The following MYO3A variants were observed in gnomAD, a reference collection of about 807,000 sequenced individuals.
MYO3A encodes the protein myosin IIIA, also known as myosin-IIIa.
In MYO3A, 180 loss-of-function variants were observed where a neutral mutation model predicts 192.7. The ratio of observed to expected loss-of-function variants is 0.93; its 90% confidence interval spans 0.83 to 1.06. MYO3A has a LOEUF of 1.06. MYO3A is among the 50% of genes least tolerant of loss of function. MYO3A has a pLI of 0.00. For missense variants in MYO3A, 1,896 were observed against 1,905.0 expected (o/e 1.00, Z 0.09); for synonymous variants, 628 against 645.3 (o/e 0.97, Z 0.41).
chr10:25,936,515 G>A (rs915685363), intron 2 of MYO3A, among the ~76,000 whole-genome samples: 12 of 151,996 alleles, frequency 7.9e-5, no homozygotes, highest in African/African-American at 2.9e-4. Flanking sequence ...TTGAATGATT[G>A]TACCTAACAA....
intron 32 of MYO3A, among the ~76,000 whole-genome samples, chr10:26,193,637 G>T (rs1843260379): frequency 1.3e-5 from 2 of 152,214 alleles, no homozygotes; most frequent in African/African-American, 4.8e-5. Flanking sequence ...CCAGAGAGGG[G>T]CCCTGGTGTA....
intron 34 of MYO3A, among the ~76,000 whole-genome samples, chr10:26,209,261 G>A (rs1844113151): frequency 1.3e-5 from 2 of 152,130 alleles, no homozygotes; most frequent in African/African-American, 4.8e-5. Flanking sequence ...ATTGACTCAA[G>A]GACATTGTCC....
At chr10:25,940,025 C>A (rs1428744124) in intron 2 of MYO3A, among the ~76,000 whole-genome samples, 1 of 151,978 alleles carries the variant, frequency 6.6e-6, no homozygotes, top group Non-Finnish European at 1.5e-5. Flanking sequence ...CTAGCCACAT[C>A]ACTTTCTTTT....
chr10:26,169,956 C>T (rs1426640920), intron 28 of MYO3A, among the ~76,000 whole-genome samples: 8 of 152,162 alleles, frequency 5.3e-5, no homozygotes, highest in Admixed American at 2.0e-4. Flanking sequence ...GATTATTGGG[C>T]GCTGCCCTGA....
intron 17 of MYO3A, among the ~76,000 whole-genome samples, chr10:26,119,529 C>T (rs1318158191): frequency 6.6e-6 from 1 of 151,948 alleles, no homozygotes; most frequent in Admixed American, 6.6e-5. Flanking sequence ...TAAATGCATG[C>T]CTTGAAGATG....
At chr10:26,122,233 T>C (rs188187198) in intron 18 of MYO3A, among the ~76,000 whole-genome samples, 68 of 152,318 alleles carry the variant, frequency 4.5e-4, no homozygotes, top group African/African-American at 1.4e-3. Flanking sequence ...ATTTTGATGA[T>C]TGAGAACCTA....
At chr10:26,009,198 A>G (rs1378774402) in intron 6 of MYO3A, among the ~76,000 whole-genome samples, 1 of 149,736 alleles carries the variant, frequency 6.7e-6, no homozygotes, top group African/African-American at 2.5e-5. Context: ...GGACACAGGA[A>G]GGGGAACATC....
chr10:26,135,771 G>C (rs7903895), intron 20 of MYO3A, among the ~76,000 whole-genome samples: 60,647 of 151,660 alleles, frequency 0.4, 12,388 homozygotes, highest in Middle Eastern at 0.52. Flanking sequence ...TTTGAGACCA[G>C]CCTGGCCAAC....
rs1470112464 is a variant in MYO3A at position 26,166,012 on chromosome 10, TAC to T, written c.3000-53_3000-52del. On this transcript the variant is annotated intron_variant, in intron 26 of 34. Coordinates refer to ENST00000642920, the MANE Select transcript of MYO3A (RefSeq NM_017433.5). Reference sequence around the variant, plus strand: ...CTAAGTTGTTGGGGAACCACCAAGCTACAGAGATGTTGGCACTTTATGCAATA... The same window carrying T: ...CTAAGTTGTTGGGGAACCACCAAGCTAGAGATGTTGGCACTTTATGCAATA... 3 of 1,411,538 alleles carry T rather than the reference TAC, an allele frequency of 2.1e-6. No individual in the cohort carries two copies. In the African/African-American group the frequency reaches 4.2e-5, roughly 20 times the overall value. The allele number at this position is 1,411,538 out of a possible 1,614,324, so 87.4% of individuals were successfully genotyped here.
At position 26,174,511 on chromosome 10, in the gene MYO3A, C is replaced by T. The variant is rs757359362; in HGVS notation, c.4247C>T (p.Ala1416Val). ...IKKKDNKDSK[A>V]TSEREACGLA... ...AAGAAGGATAACAAAGACTCGAAAG[C>T]AACTTCAGAAAGAGAAGCATGTGGT... The change falls in exon 30 of 35, where the codon GCA (alanine) becomes GTA (valine). Residue 1416 changes from alanine (A) to valine (V), a missense_variant. By Grantham distance (64) the Ala-to-Val change is moderately conservative. Transcript: ENST00000642920. The T allele has an allele frequency of 1.9e-6, 3 of 1,613,888 alleles. No homozygotes were observed. Among genetic ancestry groups the T allele is most frequent in the Non-Finnish European group, 2.5e-6 (3 of 1,179,988 alleles).
At chr10:26,197,758 A>G (rs1336074155) in intron 32 of MYO3A, among the ~76,000 whole-genome samples, 2 of 152,138 alleles carry the variant, frequency 1.3e-5, no homozygotes, top group Admixed American at 6.5e-5. Flanking sequence ...TAAAGCCGGG[A>G]TTTCACCATG....
intron 14 of MYO3A, among the ~76,000 whole-genome samples, chr10:26,082,753 T>TCTCTC (rs1372697388): frequency 4.2e-5 from 5 of 118,222 alleles, no homozygotes; most frequent in African/African-American, 1.4e-4. Flanking sequence ...TCTCTCTCTC[T>TCTCTC]TTTTCTCTCT....
intron 6 of MYO3A, among the ~76,000 whole-genome samples, chr10:26,001,405 TG>T (rs1840803359): frequency 6.6e-6 from 1 of 152,216 alleles, no homozygotes; most frequent in Non-Finnish European, 1.5e-5. Context: ...AGTGAGGCAC[TG>T]GGCAGATCCC....
intron 18 of MYO3A, among the ~76,000 whole-genome samples, chr10:26,124,555 T>C (rs546320507): frequency 4.9e-4 from 75 of 152,202 alleles, no homozygotes; most frequent in South Asian, 2.1e-3. Flanking sequence ...TGAAAAAATA[T>C]AGGGTTTAAC....
At position 26,157,533 on chromosome 10, in the gene MYO3A, T is replaced by C; in HGVS notation, c.2999+18T>C. 1 of 1,603,950 alleles carries C rather than the reference T, an allele frequency of 6.2e-7. No homozygotes were observed. Reference sequence around the variant, plus strand: ...ATAAAGCGGTATGTGGATTTCTTTTTCAGTTTCTATTGTGCAGTTTATATA... The same window carrying C: ...ATAAAGCGGTATGTGGATTTCTTTTCCAGTTTCTATTGTGCAGTTTATATA... On this transcript the variant is annotated intron_variant, in intron 26 of 34. Coordinates refer to ENST00000642920, the MANE Select transcript of MYO3A (RefSeq NM_017433.5).
At chr10:26,124,867 A>G (rs1295752762) in intron 18 of MYO3A, among the ~76,000 whole-genome samples, 1 of 152,228 alleles carries the variant, frequency 6.6e-6, no homozygotes, top group Non-Finnish European at 1.5e-5. Flanking sequence ...GTAGGATGAT[A>G]TGTACATGAA....
At chr10:26,176,092 A>G (rs1842314583) in intron 30 of MYO3A, among the ~76,000 whole-genome samples, 2 of 152,152 alleles carry the variant, frequency 1.3e-5, no homozygotes, top group South Asian at 4.1e-4. Flanking sequence ...CAGGAGATCG[A>G]GACCATCCTG....
chr10:26,010,698 G>A (rs1023902617), intron 6 of MYO3A, among the ~76,000 whole-genome samples: 6 of 152,110 alleles, frequency 3.9e-5, no homozygotes, highest in East Asian at 1.9e-4. Flanking sequence ...TCCTGACCTC[G>A]CGATCCACCT....
chr10:26,067,408 T>C (rs1834920351), intron 11 of MYO3A, among the ~76,000 whole-genome samples: 1 of 152,206 alleles, frequency 6.6e-6, no homozygotes, highest in African/African-American at 2.4e-5. Flanking sequence ...TTTTTCATTA[T>C]TTGTGGGAGT....
Sources: allele counts gnomAD v4.1 joint callset (sites outside exome capture counted in the v4.1 genomes callset), GRCh38; gene constraint gnomAD v4.1.1; transcripts MANE v1.5; gene names NCBI Gene and HGNC (gene_info 2026-07-23, HGNC 2026-07-21).